The following CWC22 variants were observed in gnomAD, a reference collection of about 807,000 sequenced individuals.
CWC22 encodes pre-mRNA-splicing factor CWC22 homolog.
CWC22 carries 53 observed loss-of-function variants against 117.2 expected under a neutral mutation model. The observed-to-expected ratio is 0.45, with a 90% CI of 0.36 to 0.57. CWC22 has a LOEUF of 0.57. CWC22 is among the 20% of genes least tolerant of loss of function. The pLI, the probability that CWC22 is intolerant of heterozygous loss-of-function variation, is 0.00. For synonymous variants in CWC22, 360 were observed against 355.6 expected (o/e 1.01, Z -0.14); for missense variants, 980 against 1,068.8 (o/e 0.92, Z 1.16).
intron 2 of CWC22, among the ~76,000 whole-genome samples, chr2:179,990,940 AG>A (rs1223367747): frequency 6.6e-6 from 1 of 152,220 alleles, no homozygotes; most frequent in Non-Finnish European, 1.5e-5. Context: ...GTAGATGAAT[AG>A]GATTTCACCA....
At chr2:179,969,827 C>G (rs1342827496) in intron 11 of CWC22, among the ~76,000 whole-genome samples, 1 of 151,970 alleles carries the variant, frequency 6.6e-6, no homozygotes, top group African/African-American at 2.4e-5. Flanking sequence ...GAAAATAATA[C>G]AAATGTGAAA....
At chr2:179,988,745 T>C in intron 2 of CWC22, 101 bp from the exon 3 acceptor site, 1 of 593,996 alleles carries the variant, frequency 1.7e-6, no homozygotes, top group Non-Finnish European at 2.9e-6. Context: ...TTAGAAATTG[T>C]ATCAAAACAT....
chr2:179,991,990 A>G (rs1294463751), intron 2 of CWC22, among the ~76,000 whole-genome samples: 1 of 152,214 alleles, frequency 6.6e-6, no homozygotes, highest in Non-Finnish European at 1.5e-5. Flanking sequence ...AGATTGCAGC[A>G]GAGGCTGCCT....
At chr2:179,962,061 T>A (rs552309799) in intron 13 of CWC22, among the ~76,000 whole-genome samples, 1 of 152,228 alleles carries the variant, frequency 6.6e-6, no homozygotes, top group Admixed American at 6.5e-5. Flanking sequence ...CCCACTGATG[T>A]TACAACTTCA....
rs1394819274 is a variant in CWC22 at position 179,993,301 on chromosome 2, T to C, written c.27+14A>G. ...ATAAGTTTACATCCTCCATTTTAAGTTTCAAACACTTACTTTTATCTGTGC... is the reference window on the plus strand; with the variant it reads ...ATAAGTTTACATCCTCCATTTTAAGCTTCAAACACTTACTTTTATCTGTGC... On this transcript the variant is annotated intron_variant, in intron 2 of 19. Transcript: ENST00000410053. The C allele has an allele frequency of 1.9e-6, 3 of 1,551,520 alleles. No individual in the cohort carries two copies. Among genetic ancestry groups the C allele is most frequent in the Non-Finnish European group, 2.6e-6 (3 of 1,141,222 alleles).
At chr2:179,970,304 G>A (rs1575646871) in intron 11 of CWC22, among the ~76,000 whole-genome samples, 197 bp downstream of exon 11, 1 of 152,006 alleles carries the variant, frequency 6.6e-6, no homozygotes, top group Non-Finnish European at 1.5e-5. Context: ...AATGGGGTAA[G>A]TAATTCAGAA....
At chr2:179,957,752 A>G (rs566350309) in intron 14 of CWC22, among the ~76,000 whole-genome samples, 3 of 152,306 alleles carry the variant, frequency 2.0e-5, no homozygotes, top group Non-Finnish European at 4.4e-5. Flanking sequence ...AAGCAACGTG[A>G]GAAAAATACA....
rs779216822 is a variant in CWC22 at position 179,986,741 on chromosome 2, C to T, written c.160G>A (p.Glu54Lys). ...TAAGAACGTCCTCTTCTTGAATGCT[C>T]ATAGTCTGATCTGCTGTAATCAAAG... The part of the protein sequence containing the change: ...DYFDYSRSDY[E>K]HSRRGRSYDS... Residue 54 changes from glutamate to lysine, a missense_variant, in exon 4 of 20, where the codon GAG (glutamate) becomes AAG (lysine). Physicochemically the swap from Glu to Lys is moderately conservative, Grantham distance 56 (BLOSUM62 1). This residue lies in a region of CWC22 where 559 missense variants were observed against 602.3 expected (regional missense o/e 0.93). Coordinates refer to ENST00000410053, the MANE Select transcript of CWC22 (RefSeq NM_020943.3). The T allele has an allele frequency of 1.2e-5, 19 of 1,609,428 alleles. No homozygotes were observed. The South Asian group carries it at 2.0e-4, about 17-fold the overall frequency.
At chr2:179,960,124 T>C (rs897609386) in intron 13 of CWC22, among the ~76,000 whole-genome samples, 4 of 152,104 alleles carry the variant, frequency 2.6e-5, no homozygotes, top group African/African-American at 9.7e-5. Flanking sequence ...CACTCAAATA[T>C]GACGGTAGTA....
chr2:179,954,227 T>A lies in CWC22; in HGVS notation c.1667A>T (p.Tyr556Phe), dbSNP rs749253335. ...NVAKMFAHLL[Y>F]TDSLPWSVLE... ...TACACTCCATGGAAGTGAATCAGTGTATAAAAGGTGAGCAAACATCTTAGC... is the reference window on the plus strand; with the variant it reads ...TACACTCCATGGAAGTGAATCAGTGAATAAAAGGTGAGCAAACATCTTAGC... Residue 556 changes from tyrosine (Y) to phenylalanine (F), a missense_variant, in exon 16 of 20, where the codon TAC becomes TTC. Transcript: ENST00000410053. The A allele has an allele frequency of 1.6e-5, 25 of 1,611,594 alleles. No individual in the cohort carries two copies. The highest frequency in any genetic ancestry group is 2.1e-5 in the Non-Finnish European group (25 of 1,178,392).
In CWC22 at chr2:179,945,209, T is replaced by C; in HGVS notation, c.2647A>G (p.Ser883Gly). The change falls in exon 20 of 20, where the codon AGC (serine) becomes GGC (glycine). Residue 883 changes from serine (S) to glycine (G), a missense_variant. Ser to Gly is a moderately conservative substitution (Grantham distance 56). Around this residue, in one of 3 missense-constraint regions of CWC22, gnomAD observed 306 missense variants for 296.8 expected, o/e 1.03. Transcript: ENST00000410053. ...NGAERRWEKS[S>G]RYSEQSRESK... ...TCTCTGGATTGTTCAGAGTATCTGC[T>C]AGATTTTTCCCATCGTCTCTCGGCA... The C allele has an allele frequency of 6.2e-7, 1 of 1,613,894 alleles. No homozygotes were observed. The highest frequency in any genetic ancestry group is 8.5e-7 in the Non-Finnish European group (1 of 1,179,856).
Position 179,970,716 on chromosome 2 carries a change from C to G in CWC22, c.1081G>C (p.Glu361Gln), listed in dbSNP as rs143785942. ...PIILEGLDLV[E>Q]EDDQFTHMLP... is the part of the protein sequence containing the mutation. ...ATATGAGTGAATTGATCATCTTCTT[C>G]CACCAAATCAAGACCTTCTAGGATA... The change falls in exon 10 of 20, where the codon GAA becomes CAA. Residue 361 changes from glutamate (E) to glutamine (Q), a missense_variant. Glu to Gln is a conservative substitution (Grantham distance 29). Around this residue, in one of 3 missense-constraint regions of CWC22, gnomAD observed 559 missense variants for 602.3 expected, o/e 0.93. Coordinates refer to ENST00000410053, the MANE Select transcript of CWC22 (RefSeq NM_020943.3). The G allele has an allele frequency of 7.9e-4, 1,278 of 1,613,716 alleles. 11 individuals carry two copies. The highest frequency in any genetic ancestry group is 6.2e-3 in the South Asian group (562 of 91,066).
intron 1 of CWC22, among the ~76,000 whole-genome samples, chr2:180,005,975 A>G (rs906668206): frequency 6.6e-6 from 1 of 152,222 alleles, no homozygotes; most frequent in African/African-American, 2.4e-5. Context: ...GCCTGTAACA[A>G]TGCTTCTCCT....
At chr2:179,966,069 G>A in intron 11 of CWC22, 87 bp from the exon 12 acceptor site, 1 of 1,012,096 alleles carries the variant, frequency 9.9e-7, no homozygotes, top group Non-Finnish European at 1.5e-6. Context: ...TCAGTTCGTT[G>A]AAATCCACTG....
At chr2:179,995,779 T>C (rs1429034162) in intron 1 of CWC22, among the ~76,000 whole-genome samples, 1 of 152,190 alleles carries the variant, frequency 6.6e-6, no homozygotes, top group Non-Finnish European at 1.5e-5. Flanking sequence ...TCCCATTTAA[T>C]ATAGCTTTAG....
chr2:179,971,128 A>G, intron 8 of CWC22, 52 bp from the exon 9 acceptor site: 2 of 1,219,752 alleles, frequency 1.6e-6, no homozygotes, highest in South Asian at 3.5e-5. Context: ...TACATACATT[A>G]AATTATTTTT....
chr2:179,966,904 A>G (rs1296680627), intron 11 of CWC22, among the ~76,000 whole-genome samples: 2 of 152,228 alleles, frequency 1.3e-5, no homozygotes, highest in Non-Finnish European at 2.9e-5. Flanking sequence ...CACATAATGA[A>G]AGTTAGCAGA....
chr2:179,995,097 A>G (rs187682795), intron 1 of CWC22, among the ~76,000 whole-genome samples: 3 of 152,304 alleles, frequency 2.0e-5, no homozygotes, highest in Admixed American at 6.5e-5. Context: ...CAGCCTGGGC[A>G]ACAGAGTGAG....
intron 19 of CWC22, among the ~76,000 whole-genome samples, chr2:179,950,084 T>A (rs1282034425): frequency 1.3e-5 from 2 of 152,168 alleles, no homozygotes; most frequent in Non-Finnish European, 2.9e-5. Context: ...TGAGGATGTG[T>A]TCCCTTTATA....
Sources: allele counts gnomAD v4.1 joint callset (sites outside exome capture counted in the v4.1 genomes callset), GRCh38; gene constraint gnomAD v4.1.1; regional missense constraint gnomAD v4.1.1; transcripts MANE v1.5; gene names NCBI Gene and HGNC (gene_info 2026-07-23, HGNC 2026-07-21).